The following CAMSAP2 variants were observed in gnomAD, a reference collection of about 807,000 sequenced individuals.
CAMSAP2 encodes calmodulin regulated spectrin associated protein family member 2.
In CAMSAP2, 26 loss-of-function variants were observed where a neutral mutation model predicts 146.1. The observed-to-expected ratio is 0.18, with a 90% CI of 0.13 to 0.25. CAMSAP2 has a LOEUF of 0.25. Ranked by LOEUF, CAMSAP2 falls within the 10% of genes least tolerant of loss-of-function variation. The pLI is 1.00. For synonymous variants in CAMSAP2, 499 were observed against 596.6 expected (o/e 0.84, Z 2.38); for missense variants, 1,381 against 1,759.3 (o/e 0.78, Z 3.85).
intron 2 of CAMSAP2, among the ~76,000 whole-genome samples, chr1:200,764,132 G>GT (rs987387745): frequency 1.8e-4 from 28 of 151,618 alleles, no homozygotes; most frequent in African/African-American, 4.4e-4. Context: ...TAAATTAACA[G>GT]TTTTTTTTTC....
At chr1:200,799,737 C>A (rs1267504215) in intron 2 of CAMSAP2, among the ~76,000 whole-genome samples, 1 of 152,000 alleles carries the variant, frequency 6.6e-6, no homozygotes, top group Admixed American at 6.6e-5. Context: ...TTTGTTCTTG[C>A]TTCTCTAGTT....
intron 7 of CAMSAP2, among the ~76,000 whole-genome samples, chr1:200,843,838 T>C (rs529528668): frequency 4.7e-5 from 7 of 148,140 alleles, no homozygotes; most frequent in Non-Finnish European, 1.0e-4. Flanking sequence ...AACTTATTTT[T>C]GTTTTTTTTT....
rs747361122 is a variant in CAMSAP2, at chr1:200,858,059, G to A, written c.4437G>A (p.Ter1479=). ...TPKKLLPTKA[*] ...AAAAACTTTTACCCACTAAGGCATA[G>A]AAGTTGGGAAATACTTGCTTCAGAA... The change falls in exon 17 of 17, where the codon TAG becomes TAA. Residue 1479 remains the stop codon, a stop_retained_variant. Transcript: ENST00000358823. The A allele has an allele frequency of 1.3e-6, 2 of 1,558,504 alleles. No individual in the cohort carries two copies. Among genetic ancestry groups the A allele is most frequent in the Non-Finnish European group, 1.7e-6 (2 of 1,156,920 alleles).
rs1375156394 is a variant in CAMSAP2 at position 200,848,852 on chromosome 1, A to G, written c.2083A>G (p.Arg695Gly). Residue 695 changes from arginine to glycine, a missense_variant, in exon 11 of 17, where the codon AGG (arginine) becomes GGG (glycine). Arg to Gly is a moderately radical substitution (Grantham distance 125, BLOSUM62 -2). Coordinates refer to ENST00000358823, the MANE Select transcript of CAMSAP2 (RefSeq NM_203459.4). ...GACCAGCTTTGCTGAACAAAAATTC[A>G]GGAAACTGAATCATACCGATGGAAA... ...KMTSFAEQKFRKLNHTDGKSS... is the reference protein window; with the variant it reads ...KMTSFAEQKFGKLNHTDGKSS... The G allele has an allele frequency of 1.9e-6, 3 of 1,614,194 alleles. No homozygotes were observed. The highest frequency in any genetic ancestry group is 2.5e-6 in the Non-Finnish European group (3 of 1,180,016).
intron 2 of CAMSAP2, among the ~76,000 whole-genome samples, chr1:200,804,450 A>T (rs1666120997): frequency 6.6e-6 from 1 of 151,986 alleles, no homozygotes; most frequent in Non-Finnish European, 1.5e-5. Flanking sequence ...TTTTTTATTT[A>T]TACAGCGTTT....
At chr1:200,787,070 T>C (rs1252710179) in intron 2 of CAMSAP2, among the ~76,000 whole-genome samples, 11 of 151,796 alleles carry the variant, frequency 7.2e-5, no homozygotes, top group Admixed American at 7.2e-4. Flanking sequence ...ACAATGCGCG[T>C]GGTCACCCAA....
At position 200,857,130 on chromosome 1, in the gene CAMSAP2, G is replaced by A. The variant is rs774152259; in HGVS notation, c.4013-176G>A. Among the ~76,000 whole-genome samples, 11 of 152,112 alleles carry A rather than the reference G, an allele frequency of 7.2e-5. No individual in the cohort carries two copies. The highest frequency in any genetic ancestry group is 2.1e-4 in the South Asian group (1 of 4,824). The stretch of plus-strand genomic sequence containing the variant: ...CCATAGGAACATCCTCCATATCTCT[G>A]GGTGGATAAAACAATGTTTTGGTTG... On this transcript the variant is annotated intron_variant, in intron 15 of 16. Coordinates refer to ENST00000358823, the MANE Select transcript of CAMSAP2 (RefSeq NM_203459.4). This position sits in a 1 kb window ranked among gnomAD's most constrained non-coding sequence, Gnocchi z 4.7.
At chr1:200,816,740 A>G (rs1666515461) in intron 4 of CAMSAP2, among the ~76,000 whole-genome samples, 2 of 109,506 alleles carry the variant, frequency 1.8e-5, no homozygotes, top group East Asian at 3.2e-4. Context: ...GTGTGTACAC[A>G]CACACGCGTG....
At chr1:200,750,661 G>A (rs1016570306) in intron 1 of CAMSAP2, among the ~76,000 whole-genome samples, 1 of 144,498 alleles carries the variant, frequency 6.9e-6, no homozygotes, top group African/African-American at 2.6e-5. Context: ...TTTCGCTCTT[G>A]TTGCCCAGGT....
At chr1:200,770,958 C>T (rs989536379) in intron 2 of CAMSAP2, among the ~76,000 whole-genome samples, 1 of 151,974 alleles carries the variant, frequency 6.6e-6, no homozygotes, top group Non-Finnish European at 1.5e-5. Context: ...GAGATAGATC[C>T]CAATCTTCTT....
chr1:200,841,695 T>C (rs1667327678), intron 6 of CAMSAP2, among the ~76,000 whole-genome samples: 1 of 152,240 alleles, frequency 6.6e-6, no homozygotes, highest in East Asian at 1.9e-4. Flanking sequence ...ATATTTACTT[T>C]GGAATGAAAG....
At chr1:200,838,026 CTT>C (rs1667226513) in intron 6 of CAMSAP2, among the ~76,000 whole-genome samples, 1 of 152,088 alleles carries the variant, frequency 6.6e-6, no homozygotes. Context: ...AAAGAAGAAG[CTT>C]TTAAATGAAT....
chr1:200,790,857 T>C (rs1429009326), intron 2 of CAMSAP2, among the ~76,000 whole-genome samples: 5 of 152,184 alleles, frequency 3.3e-5, no homozygotes, highest in Non-Finnish European at 7.3e-5. Context: ...CCTCCTTTTT[T>C]TTTTGAGACG....
intron 6 of CAMSAP2, among the ~76,000 whole-genome samples, chr1:200,834,279 C>T (rs1434862924): frequency 6.6e-6 from 1 of 152,028 alleles, no homozygotes; most frequent in Non-Finnish European, 1.5e-5. Context: ...AGGAGAATCA[C>T]TTGAACCTGG....
intron 9 of CAMSAP2, 22 bp from the exon 10 acceptor site, chr1:200,847,618 T>C (rs1294018094): frequency 1.9e-6 from 3 of 1,593,776 alleles, no homozygotes; most frequent in Admixed American, 3.5e-5. Flanking sequence ...TTTCAATGGC[T>C]TTTTCTTTTT....
rs1233044812 is a variant in CAMSAP2, at chr1:200,832,897, TA to T, written c.927+58del. 6.7e-7 allele frequency: 1 copy of T among 1,487,760 alleles called. No individual in the cohort carries two copies. Among genetic ancestry groups the T allele is most frequent in the Non-Finnish European group, 9.0e-7 (1 of 1,105,488 alleles). 92.2% of individuals were successfully genotyped at this position (1,487,760 alleles called of 1,614,324 possible). A position where few individuals can be genotyped will look rare whatever the true frequency, so the allele number is the denominator to read the frequency against. On this transcript the variant is annotated intron_variant, in intron 6 of 16. Coordinates refer to ENST00000358823, the MANE Select transcript of CAMSAP2 (RefSeq NM_203459.4). This position sits in a 1 kb window ranked among gnomAD's most constrained non-coding sequence, Gnocchi z 4.2. ...TTTGCTTTGTTAAAATATGTTTTTT[TA>T]AAAAACAAACAAAAACACCGGGAAC...
chr1:200,788,547 A>T (rs1305651366), intron 2 of CAMSAP2, among the ~76,000 whole-genome samples: 3 of 151,944 alleles, frequency 2.0e-5, no homozygotes, highest in Non-Finnish European at 4.4e-5. Flanking sequence ...CCAGTCCAGT[A>T]TTTGGTGTTG....
chr1:200,818,869 A>C (rs751511182), intron 4 of CAMSAP2, among the ~76,000 whole-genome samples: 1 of 152,106 alleles, frequency 6.6e-6, no homozygotes, highest in Non-Finnish European at 1.5e-5. Context: ...CTTTCCATCT[A>C]CTTCAGTCAG....
At chr1:200,811,895 A>G (rs896992271) in intron 3 of CAMSAP2, among the ~76,000 whole-genome samples, 1 of 152,068 alleles carries the variant, frequency 6.6e-6, no homozygotes, top group Non-Finnish European at 1.5e-5. Flanking sequence ...CCTTCCCGCT[A>G]TATGCCCTTT....
Sources: gnomAD v4.1 joint callset for allele counts (sites outside exome capture counted in the v4.1 genomes callset) on GRCh38, gnomAD v4.1.1 for gene constraint, Gnocchi (gnomAD v3.1) non-coding constraint, MANE v1.5 for transcripts, NCBI Gene and HGNC (gene_info 2026-07-23, HGNC 2026-07-21) for gene names.